TTLL4: variants seen among roughly 807,000 people sequenced by gnomAD.
TTLL4 encodes the protein tubulin monoglutamylase TTLL4.
Under a neutral mutation model 122.7 loss-of-function variants are expected in TTLL4, and 85 were observed. That is an observed-to-expected ratio of 0.69 (90% CI 0.58 to 0.83). The LOEUF is 0.83. TTLL4 is among the 40% of genes least tolerant of loss of function. The pLI, the probability that TTLL4 is intolerant of heterozygous loss-of-function variation, is 0.00. For missense variants in TTLL4, 1,363 were observed against 1,488.6 expected, an observed-to-expected ratio of 0.92 and a Z score of 1.39; for synonymous variants, 553 against 563.0, an observed-to-expected ratio of 0.98 and a Z score of 0.25.
downstream of TTLL4, among the ~76,000 whole-genome samples, chr2:218,755,853 G>T (rs1943142202): frequency 6.6e-6 from 1 of 152,282 alleles, no homozygotes; most frequent in East Asian, 1.9e-4. Context: ...GCCCTGGAAA[G>T]ATCACTGAGA....
Position 218,754,596 on chromosome 2 carries a change from C to G in TTLL4, c.*207C>G. On this transcript the variant is annotated 3_prime_UTR_variant, in exon 20 of 20. Transcript: ENST00000392102. Reference sequence around the variant, plus strand: ...GGGGAGAAGGTGAGGAAGGGTCACCCTCTGTCACCTGTCTGCCTGGCTGGC... The same window carrying G: ...GGGGAGAAGGTGAGGAAGGGTCACCGTCTGTCACCTGTCTGCCTGGCTGGC... The G allele has an allele frequency of 1.5e-6, 1 of 676,346 alleles. No homozygotes were observed. Among genetic ancestry groups the G allele is most frequent in the African/African-American group, 1.8e-5 (1 of 55,368 alleles). The allele number at this position is 676,346 out of a possible 1,614,324, so 41.9% of individuals were successfully genotyped here. A position where few individuals can be genotyped will look rare whatever the true frequency, so the allele number is the denominator to read the frequency against.
At chr2:218,718,867 A>C (rs1052403741) in intron 1 of TTLL4, among the ~76,000 whole-genome samples, 1 of 152,174 alleles carries the variant, frequency 6.6e-6, no homozygotes, top group East Asian at 1.9e-4. Context: ...GTCTGGAGCC[A>C]GGGACATCAG....
intron 1 of TTLL4, among the ~76,000 whole-genome samples, chr2:218,717,218 C>T (rs1941889305): frequency 1.3e-5 from 2 of 152,060 alleles, no homozygotes; most frequent in African/African-American, 2.4e-5. Flanking sequence ...CCACCTTAGC[C>T]TCCCAAAGTG....
Position 218,737,980 on chromosome 2 carries a change from TC to T in TTLL4, c.306del (p.Cys103ValfsTer115). The T allele has an allele frequency of 1.2e-6, 2 of 1,614,160 alleles. No homozygotes were observed. The highest frequency in any genetic ancestry group is 2.7e-5 in the African/African-American group (2 of 75,054). On this transcript the variant is annotated frameshift_variant, in exon 3 of 20. Coordinates refer to ENST00000392102, the MANE Select transcript of TTLL4 (RefSeq NM_014640.5). LOFTEE classifies it high-confidence loss of function. The stretch of plus-strand genomic sequence containing the variant: ...GGCTGTCATTGCAGGCCACAGCAGT[TC>T]CTGTTACCTACACTCTCTCCCGGAC... ...TTAVIAGHSS[S>X]CYLHSLPDLF...
intron 2 of TTLL4, among the ~76,000 whole-genome samples, chr2:218,734,654 G>A (rs909005807): frequency 6.6e-6 from 1 of 152,150 alleles, no homozygotes; most frequent in African/African-American, 2.4e-5. Context: ...CAATAGTGGG[G>A]CTGTTTTTCA....
At chr2:218,745,922 C>A in intron 7 of TTLL4, 121 bp downstream of exon 7, 3 of 959,960 alleles carry the variant, frequency 3.1e-6, no homozygotes, top group South Asian at 1.4e-5. Flanking sequence ...CTCCTGAAAT[C>A]CAACCTCATA....
chr2:218,759,639 A>G (rs1281302389), downstream of TTLL4, among the ~76,000 whole-genome samples: 2 of 152,178 alleles, frequency 1.3e-5, no homozygotes, highest in South Asian at 2.1e-4. Context: ...ATGACTATAT[A>G]CAGTTGTGGG....
rs564470915 is a variant in TTLL4 at position 218,747,412 on chromosome 2, C to G, written c.2249+40C>G. On this transcript the variant is annotated intron_variant, in intron 10 of 19. Transcript: ENST00000392102. This position sits in a 1 kb window ranked among gnomAD's most constrained non-coding sequence, Gnocchi z 4.7. ...CATATCCCTTACCCCATCCTCCCAC[C>G]TCCTTGGCCTCGAGGTTCCCTTCTT... 5.0e-6 allele frequency: 8 copies of G among 1,603,658 alleles called. No individual in the cohort carries two copies. The highest frequency in any genetic ancestry group is 4.4e-5 in the South Asian group (4 of 90,188).
chr2:218,725,633 G>A (rs1335725095), intron 1 of TTLL4, among the ~76,000 whole-genome samples: 2 of 150,628 alleles, frequency 1.3e-5, no homozygotes, highest in Non-Finnish European at 3.0e-5. Flanking sequence ...TCGGCTCACC[G>A]CAACCTCCAC....
At chr2:218,748,081 T>G in intron 11 of TTLL4, 24 bp from the exon 12 acceptor site, 1 of 1,614,112 alleles carries the variant, frequency 6.2e-7, no homozygotes, top group Non-Finnish European at 8.5e-7. Context: ...ATCTTACCTC[T>G]GCCTTTTGTT....
intron 1 of TTLL4, among the ~76,000 whole-genome samples, chr2:218,716,296 A>G (rs2106386732): frequency 6.6e-6 from 1 of 152,356 alleles, no homozygotes. Flanking sequence ...AATAACTATT[A>G]CTTATGTGTC....
At chr2:218,729,352 G>C (rs1037657466) in intron 2 of TTLL4, among the ~76,000 whole-genome samples, 23 of 151,886 alleles carry the variant, frequency 1.5e-4, no homozygotes, top group African/African-American at 5.6e-4. Flanking sequence ...TGGAAGTCCA[G>C]TTTTCTTACC....
rs189826594 is a variant in TTLL4, at chr2:218,735,428, A to G, written c.-98-2151A>G. On this transcript the variant is annotated intron_variant, in intron 2 of 19. Transcript: ENST00000392102. ...TTAATAAAAAAATTTAAAAAAATCA[A>G]CTGTGTGTGGTGATGCATGCCTGTG... Among the ~76,000 whole-genome samples, 11 of 151,932 alleles carry G rather than the reference A, an allele frequency of 7.2e-5. No homozygotes were observed. The East Asian group carries it at 7.7e-4, about 11-fold the overall frequency.
intron 5 of TTLL4, among the ~76,000 whole-genome samples, chr2:218,744,623 C>T (rs1032649423): frequency 2.0e-5 from 3 of 152,150 alleles, no homozygotes; most frequent in Admixed American, 2.0e-4. Flanking sequence ...CTGGAAGTAT[C>T]ACTGTTTCTT....
chr2:218,736,703 C>A (rs1942534316), intron 2 of TTLL4, among the ~76,000 whole-genome samples: 1 of 152,192 alleles, frequency 6.6e-6, no homozygotes, highest in African/African-American at 2.4e-5. Flanking sequence ...ATTGCTGTCT[C>A]AGCTCCAGAA....
In TTLL4 at chr2:218,747,509, G is replaced by A. The variant is rs1942878742; in HGVS notation, c.2250-88G>A. ...AACTGTTCTAAGGTCTTTATCTTGG[G>A]GACTGTTAGCTGGCTTTTCCTGTGG... On this transcript the variant is annotated intron_variant, in intron 10 of 19. Transcript: ENST00000392102. This position sits in a 1 kb window ranked among gnomAD's most constrained non-coding sequence, Gnocchi z 4.7. The A allele has an allele frequency of 6.3e-7, 1 of 1,579,398 alleles. No individual in the cohort carries two copies. Among genetic ancestry groups the A allele is most frequent in the Admixed American group, 1.8e-5 (1 of 56,344 alleles).
chr2:218,719,638 A>G (rs1285002032), intron 1 of TTLL4, among the ~76,000 whole-genome samples: 3 of 151,954 alleles, frequency 2.0e-5, no homozygotes, highest in Non-Finnish European at 2.9e-5. Context: ...GAAATCTCAC[A>G]TGACAGTCAT....
At chr2:218,744,364 T>G (rs956029237) in intron 5 of TTLL4, among the ~76,000 whole-genome samples, 1 of 152,234 alleles carries the variant, frequency 6.6e-6, no homozygotes, top group Non-Finnish European at 1.5e-5. Flanking sequence ...GTCTCTCAGC[T>G]TGTACCTGAC....
intron 5 of TTLL4, among the ~76,000 whole-genome samples, chr2:218,743,403 T>C (rs1461817482): frequency 6.6e-6 from 1 of 152,184 alleles, no homozygotes; most frequent in Admixed American, 6.5e-5. Context: ...TGCTGGATAG[T>C]GTTCTGTGGT....
Sources: allele counts gnomAD v4.1 joint callset (sites outside exome capture counted in the v4.1 genomes callset), GRCh38; gene constraint gnomAD v4.1.1; non-coding constraint Gnocchi (gnomAD v3.1); transcripts MANE v1.5; gene names NCBI Gene and HGNC (gene_info 2026-07-23, HGNC 2026-07-21).